Variants in MACO1 observed in about 807,000 individuals in gnomAD.
MACO1 encodes macoilin.
In MACO1, 14 loss-of-function variants were observed where a neutral mutation model predicts 78.7. The ratio of observed to expected loss-of-function variants is 0.18; its 90% CI spans 0.12 to 0.28. The LOEUF (loss-of-function observed/expected upper bound fraction) is 0.28, where lower values mean the gene tolerates loss of function less well. Ranked by LOEUF, MACO1 falls within the 10% of genes least tolerant of loss-of-function variation. The probability of loss-of-function intolerance (pLI) is 1.00; values close to 1 mark genes in which losing one functional copy is unlikely to be tolerated. For missense variants in MACO1, 501 were observed against 799.0 expected (o/e 0.63, Z 4.50); for synonymous variants, 288 against 291.6 (o/e 0.99, Z 0.12).
intron 1 of MACO1, among the ~76,000 whole-genome samples, chr1:25,434,042 G>C (rs1571944841): frequency 6.6e-6 from 1 of 152,174 alleles, no homozygotes; most frequent in East Asian, 1.9e-4. Flanking sequence ...CTGTTACTGA[G>C]GTGACTGTCA....
chr1:25,474,176 T>C (rs2043299331), intron 6 of MACO1, among the ~76,000 whole-genome samples: 1 of 152,184 alleles, frequency 6.6e-6, no homozygotes, highest in Non-Finnish European at 1.5e-5. Context: ...GTAGGCCCAA[T>C]GTTGCCAAGT....
intron 6 of MACO1, among the ~76,000 whole-genome samples, chr1:25,463,188 A>T (rs1297638561): frequency 6.6e-6 from 1 of 152,216 alleles, no homozygotes; most frequent in African/African-American, 2.4e-5. Context: ...CTACAAAAAT[A>T]GAGTGCTTAG....
At chr1:25,434,353 T>TTGAG (rs1180338390) in intron 1 of MACO1, among the ~76,000 whole-genome samples, 2 of 152,198 alleles carry the variant, frequency 1.3e-5, no homozygotes, top group East Asian at 3.8e-4. Context: ...TCAATAAATG[T>TTGAG]TGAGTGAGTA....
At chr1:25,481,234 G>T (rs1280768317) in intron 6 of MACO1, among the ~76,000 whole-genome samples, 1 of 151,886 alleles carries the variant, frequency 6.6e-6, no homozygotes, top group African/African-American at 2.4e-5. Context: ...TTTCCCCAGC[G>T]ACTGGTTGTG....
At chr1:25,468,472 G>C (rs1272142592) in intron 6 of MACO1, among the ~76,000 whole-genome samples, 2 of 152,116 alleles carry the variant, frequency 1.3e-5, no homozygotes, top group Non-Finnish European at 2.9e-5. Flanking sequence ...TAGAGTCCTG[G>C]GGTGTGCACA....
In MACO1 at chr1:25,484,242, G is replaced by A. The variant is rs2043407974; in HGVS notation, c.1281G>A (p.Gln427=). Residue 427 remains glutamine, a synonymous_variant, in exon 7 of 11, where the codon CAG becomes CAA. Transcript: ENST00000374343. The stretch of plus-strand genomic sequence containing the variant: ...GAGGGATCCGCTCAGAAATGGGCCA[G>A]CTTCGGCAGGAGAACGAGCTGCTGC... ...TERGIRSEMG[Q]LRQENELLQN... is the part of the protein sequence containing the mutation. 2 of 1,613,072 alleles carry A rather than the reference G, an allele frequency of 1.2e-6. No individual in the cohort carries two copies. The highest frequency in any genetic ancestry group is 1.7e-6 in the Non-Finnish European group (2 of 1,179,784).
intron 4 of MACO1, among the ~76,000 whole-genome samples, chr1:25,455,362 A>G (rs866684275): frequency 2.6e-5 from 4 of 152,176 alleles, no homozygotes; most frequent in African/African-American, 9.7e-5. Flanking sequence ...TTTCTCCTAA[A>G]CACACCAATT....
At chr1:25,487,027 T>C (rs1337454256) in intron 8 of MACO1, among the ~76,000 whole-genome samples, 1 of 152,218 alleles carries the variant, frequency 6.6e-6, no homozygotes, top group East Asian at 1.9e-4. Flanking sequence ...TCCTTAACGA[T>C]ATTGCTTAGT....
chr1:25,490,165 A>G (rs998163930), intron 9 of MACO1, among the ~76,000 whole-genome samples: 2 of 134,062 alleles, frequency 1.5e-5, no homozygotes, highest in Admixed American at 1.4e-4. Context: ...CAAAGCAAAA[A>G]TCATAATAAT....
intron 6 of MACO1, among the ~76,000 whole-genome samples, chr1:25,459,596 TC>T (rs2043153787): frequency 6.6e-6 from 1 of 151,556 alleles, no homozygotes; most frequent in Non-Finnish European, 1.5e-5. Context: ...TGCCTCAGCC[TC>T]CCAACTAACT....
chr1:25,438,373 A>T (rs752779899), intron 1 of MACO1, among the ~76,000 whole-genome samples: 4 of 152,244 alleles, frequency 2.6e-5, no homozygotes, highest in Non-Finnish European at 5.9e-5. Flanking sequence ...TTTCTGTCTT[A>T]CTTGTAACTT....
At chr1:25,450,100 A>ACC (rs576680889) in intron 3 of MACO1, among the ~76,000 whole-genome samples, 219 of 152,314 alleles carry the variant, frequency 1.4e-3, no homozygotes, top group Non-Finnish European at 2.8e-3. Context: ...CAAACATTGA[A>ACC]CCTCTGCATT....
At chr1:25,498,043 C>A (rs1442671678) in intron 10 of MACO1, among the ~76,000 whole-genome samples, 1 of 152,196 alleles carries the variant, frequency 6.6e-6, no homozygotes, top group African/African-American at 2.4e-5. Context: ...TTTTCCATGG[C>A]TGGGAAGAAA....
intron 4 of MACO1, 107 bp downstream of exon 4, chr1:25,454,489 T>TATATATATATATATATA (rs371533394): frequency 8.9e-5 from 8 of 89,910 alleles, no homozygotes; most frequent in South Asian, 9.7e-4. Context: ...TATATATATA[T>TATATATATATATATATA]TTTTTTTTTT....
chr1:25,465,818 G>A (rs2043214566), intron 6 of MACO1, among the ~76,000 whole-genome samples: 1 of 152,138 alleles, frequency 6.6e-6, no homozygotes, highest in Non-Finnish European at 1.5e-5. Context: ...CTGTGTCCAT[G>A]TGTACACATT....
At chr1:25,483,368 AT>A (rs1302444959) in intron 6 of MACO1, among the ~76,000 whole-genome samples, 1 of 152,168 alleles carries the variant, frequency 6.6e-6, no homozygotes, top group African/African-American at 2.4e-5. Flanking sequence ...TTTGTTGACC[AT>A]TTTCAGCACT....
At chr1:25,489,343 C>T in intron 9 of MACO1, 50 bp downstream of exon 9, 1 of 1,600,648 alleles carries the variant, frequency 6.2e-7, no homozygotes, top group Middle Eastern at 1.7e-4. Context: ...CACTTTTATG[C>T]TAAACTTGTG....
At chr1:25,440,216 A>G (rs2042957449) in intron 1 of MACO1, among the ~76,000 whole-genome samples, 2 of 141,030 alleles carry the variant, frequency 1.4e-5, no homozygotes, top group Non-Finnish European at 3.1e-5. Context: ...CAACATAGCA[A>G]CATCCCATCT....
At chr1:25,483,037 A>G (rs923395286) in intron 6 of MACO1, among the ~76,000 whole-genome samples, 3 of 151,960 alleles carry the variant, frequency 2.0e-5, no homozygotes, top group Non-Finnish European at 4.4e-5. Context: ...ACTTGATTTT[A>G]TAGTTTTCGT....
Sources: gnomAD v4.1 joint callset for allele counts (sites outside exome capture counted in the v4.1 genomes callset) on GRCh38, gnomAD v4.1.1 for gene constraint, MANE v1.5 for transcripts, NCBI Gene and HGNC (gene_info 2026-07-23, HGNC 2026-07-21) for gene names.